ARHGAP21: variants seen among roughly 807,000 people sequenced by gnomAD.
The protein encoded by ARHGAP21 is Rho GTPase activating protein 21.
ARHGAP21 carries 38 observed loss-of-function variants against 164.6 expected under a neutral mutation model. The observed-to-expected ratio is 0.23, with a 90% CI of 0.18 to 0.30. The LOEUF is 0.30. Among genes scored for constraint, ARHGAP21 ranks in the 10% least tolerant of loss-of-function variants. ARHGAP21 has a pLI of 1.00. For missense variants in ARHGAP21, 1,822 were observed against 2,370.7 expected, an observed-to-expected ratio of 0.77 and a Z score of 4.81; for synonymous variants, 766 against 857.9, an observed-to-expected ratio of 0.89 and a Z score of 1.87.
At chr10:24,703,504 AG>A (rs1376286547) in intron 2 of ARHGAP21, among the ~76,000 whole-genome samples, 1 of 152,206 alleles carries the variant, frequency 6.6e-6, no homozygotes, top group Non-Finnish European at 1.5e-5. Context: ...CCACAGAGCC[AG>A]GAACAACTCC....
chr10:24,627,974 AAACAGTT>A (rs1298262950), intron 7 of ARHGAP21, among the ~76,000 whole-genome samples: 4 of 152,334 alleles, frequency 2.6e-5, no homozygotes, highest in African/African-American at 9.6e-5. Flanking sequence ...GAAGATCGGA[AAACAGTT>A]CAGTTTCATA....
At chr10:24,622,640 C>A in intron 8 of ARHGAP21, 93 bp downstream of exon 8, 3 of 1,345,208 alleles carry the variant, frequency 2.2e-6, no homozygotes, top group Non-Finnish European at 2.0e-6. Flanking sequence ...TTTCTCTAAG[C>A]AAAAGTGAAC....
In ARHGAP21 at chr10:24,596,959, T is replaced by C. The variant is rs112380139; in HGVS notation, c.3335-77A>G. ...CTAAATCATGACTTTAAAAACACTT[T>C]ATCAATGTTTACATAAATCCAAGTC... is the stretch of plus-strand genomic sequence containing the variant. On this transcript the variant is annotated intron_variant, in intron 16 of 25. Transcript: ENST00000396432. 1.2e-4 allele frequency: 168 copies of C among 1,441,006 alleles called. No homozygotes were observed. In the African/African-American group the frequency reaches 2.2e-3, roughly 19 times the overall value. The allele number at this position is 1,441,006 out of a possible 1,614,324, so 89.3% of individuals were successfully genotyped here. A position where few individuals can be genotyped will look rare whatever the true frequency, so the allele number is the denominator to read the frequency against.
chr10:24,715,612 A>G (rs1845296667), intron 2 of ARHGAP21, among the ~76,000 whole-genome samples: 1 of 152,264 alleles, frequency 6.6e-6, no homozygotes, highest in South Asian at 2.1e-4. Context: ...AAAGGCACCA[A>G]AAATTTTAAC....
rs1304299479 is a variant in ARHGAP21 at position 24,630,118 on chromosome 10, AG to A, written c.441-69del. The A allele has an allele frequency of 1.9e-5, 15 of 792,192 alleles. No individual in the cohort carries two copies. In the African/African-American group the frequency reaches 2.3e-4, roughly 12 times the overall value. The allele number at this position is 792,192 out of a possible 1,614,324, so 49.1% of individuals were successfully genotyped here. On this transcript the variant is annotated intron_variant, in intron 6 of 25. Coordinates refer to ENST00000396432, the MANE Select transcript of ARHGAP21 (RefSeq NM_020824.4). Reference sequence around the variant, plus strand: ...ATAAAAAAAGACTTAATGGAAAAACAGTTAACTCAGAAGTATTTTTTAAATT... The same window carrying A: ...ATAAAAAAAGACTTAATGGAAAAACATTAACTCAGAAGTATTTTTTAAATT...
chr10:24,648,079 T>C (rs1837754624), intron 4 of ARHGAP21, among the ~76,000 whole-genome samples: 1 of 152,142 alleles, frequency 6.6e-6, no homozygotes, highest in Non-Finnish European at 1.5e-5. Flanking sequence ...CCTCAGGTGA[T>C]CCACCCACCC....
At chr10:24,662,730 G>C (rs935293682) in intron 4 of ARHGAP21, among the ~76,000 whole-genome samples, 1 of 152,150 alleles carries the variant, frequency 6.6e-6, no homozygotes, top group Non-Finnish European at 1.5e-5. Flanking sequence ...GTTGAACTTT[G>C]ATCAGAAGAG....
chr10:24,591,551 T>C (rs947558706), intron 23 of ARHGAP21, 91 bp downstream of exon 23: 22 of 1,506,728 alleles, frequency 1.5e-5, no homozygotes, highest in East Asian at 2.3e-5. Context: ...AAGCGGACAA[T>C]AGCAAAGCAG....
chr10:24,637,510 G>C (rs1022065498), intron 4 of ARHGAP21, among the ~76,000 whole-genome samples: 1 of 152,148 alleles, frequency 6.6e-6, no homozygotes, highest in African/African-American at 2.4e-5. Flanking sequence ...AGTCCACTGT[G>C]TCTCAAAGGT....
chr10:24,590,895 A>G (rs117698617), intron 24 of ARHGAP21: 14 of 983,296 alleles, frequency 1.4e-5, no homozygotes, highest in East Asian at 1.1e-4. Context: ...TCAGTAGCAT[A>G]TATCTGTTTT....
chr10:24,702,122 C>G (rs1249302729), intron 2 of ARHGAP21, among the ~76,000 whole-genome samples: 1 of 132,936 alleles, frequency 7.5e-6, no homozygotes, highest in Non-Finnish European at 1.6e-5. Context: ...AAAATACTTC[C>G]GGTTCTTTTT....
In ARHGAP21 at chr10:24,635,017, A is replaced by G. The variant is rs1489818290; in HGVS notation, c.355T>C (p.Cys119Arg). ...TAAAGAAGAATATCAGCACCTGTAC[A>G]TAATCCAGCTTCAAAAGCAGGTCCT... is the stretch of plus-strand genomic sequence containing the variant. Reference protein sequence around the residue: ...EGGPAFEAGLCTGDRIIKVNG... With the variant: ...EGGPAFEAGLRTGDRIIKVNG... Residue 119 changes from cysteine (C) to arginine (R), a missense_variant, in exon 5 of 26, where the codon TGT becomes CGT. Coordinates refer to ENST00000396432, the MANE Select transcript of ARHGAP21 (RefSeq NM_020824.4). 6.3e-7 allele frequency: 1 copy of G among 1,588,258 alleles called. No homozygotes were observed. The highest frequency in any genetic ancestry group is 8.6e-7 in the Non-Finnish European group (1 of 1,167,910).
intron 9 of ARHGAP21, among the ~76,000 whole-genome samples, chr10:24,618,351 AGTTTAT>A (rs1383252901): frequency 6.6e-6 from 1 of 152,206 alleles, no homozygotes; most frequent in Non-Finnish European, 1.5e-5. Context: ...GCTCTCATGT[AGTTTAT>A]GTTTTAGTTC....
chr10:24,663,466 A>C (rs1839896783), intron 4 of ARHGAP21, among the ~76,000 whole-genome samples: 1 of 152,208 alleles, frequency 6.6e-6, no homozygotes, highest in African/African-American at 2.4e-5. Flanking sequence ...TTTGGTGCCC[A>C]TCACTTTAAA....
chr10:24,613,839 G>T (rs1302994410), intron 9 of ARHGAP21, among the ~76,000 whole-genome samples: 2 of 152,170 alleles, frequency 1.3e-5, no homozygotes, highest in African/African-American at 4.8e-5. Context: ...ATTTTACAAA[G>T]GGCAAGTGGA....
At chr10:24,695,994 T>C (rs1025497883) in intron 2 of ARHGAP21, among the ~76,000 whole-genome samples, 22 of 152,212 alleles carry the variant, frequency 1.4e-4, no homozygotes, top group African/African-American at 5.3e-4. Context: ...AGATAATAAA[T>C]GTTCCTTTAA....
intron 12 of ARHGAP21, among the ~76,000 whole-genome samples, chr10:24,603,506 A>C (rs2076898620): frequency 1.3e-5 from 2 of 152,150 alleles, no homozygotes; most frequent in African/African-American, 4.8e-5. Context: ...TTCTATTTTA[A>C]TGTAGGAAAT....
intron 2 of ARHGAP21, among the ~76,000 whole-genome samples, chr10:24,712,681 A>G (rs1844952042): frequency 2.0e-5 from 3 of 152,204 alleles, no homozygotes; most frequent in Admixed American, 2.0e-4. Flanking sequence ...CCCCATGGAT[A>G]CAGAGGGCTG....
intron 9 of ARHGAP21, among the ~76,000 whole-genome samples, chr10:24,611,909 T>C (rs1024296958): frequency 3.9e-5 from 6 of 152,162 alleles, no homozygotes; most frequent in African/African-American, 1.2e-4. Flanking sequence ...TGAACATAAA[T>C]GTGGAGGGCA....
Sources: gnomAD v4.1 joint callset for allele counts (sites outside exome capture counted in the v4.1 genomes callset) on GRCh38, gnomAD v4.1.1 for gene constraint, MANE v1.5 for transcripts, NCBI Gene and HGNC (gene_info 2026-07-23, HGNC 2026-07-21) for gene names.